Variants in DACH2 observed in about 807,000 individuals in gnomAD.
The protein encoded by DACH2 is dachshund family transcription factor 2.
In DACH2, 17 loss-of-function variants were observed where a neutral mutation model predicts 35.8. The ratio of observed to expected loss-of-function variants is 0.48; its 90% CI spans 0.33 to 0.71. DACH2 has a LOEUF of 0.71. Among genes scored for constraint, DACH2 ranks in the 30% least tolerant of loss-of-function variants. The probability of loss-of-function intolerance (pLI) is 0.02; values close to 1 mark genes in which losing one functional copy is unlikely to be tolerated. For synonymous variants in DACH2, 195 were observed against 177.3 expected, an observed-to-expected ratio of 1.10 and a Z score of -0.79; for missense variants, 469 against 472.7, an observed-to-expected ratio of 0.99 and a Z score of 0.07.
chrX:86,421,554 T>A (rs1196106341), intron 2 of DACH2, among the ~76,000 whole-genome samples: 1 of 111,505 alleles, frequency 9.0e-6, no homozygotes, highest in Non-Finnish European at 1.9e-5. Context: ...TTTCTTTGCC[T>A]TTTTCATCTC....
At chrX:86,432,527 T>C (rs1479100119) in intron 2 of DACH2, among the ~76,000 whole-genome samples, 1 of 111,870 alleles carries the variant, frequency 8.9e-6, no homozygotes, top group East Asian at 2.8e-4. Flanking sequence ...AAGAAATATC[T>C]TGAAGGTTGG....
intron 3 of DACH2, among the ~76,000 whole-genome samples, chrX:86,598,205 T>G (rs2039737866): frequency 8.9e-6 from 1 of 111,972 alleles, no homozygotes; most frequent in Non-Finnish European, 1.9e-5. Context: ...TGTATGTTTG[T>G]AATTATTACA....
At chrX:86,339,916 T>C (rs1361398259) in intron 1 of DACH2, among the ~76,000 whole-genome samples, 1 of 112,047 alleles carries the variant, frequency 8.9e-6, no homozygotes, top group Non-Finnish European at 1.9e-5. Context: ...TAAAACTTTG[T>C]CACAGAGATT....
intron 1 of DACH2, among the ~76,000 whole-genome samples, chrX:86,285,348 T>C (rs1397690177): frequency 2.7e-5 from 3 of 112,059 alleles, no homozygotes; most frequent in Non-Finnish European, 5.6e-5. Flanking sequence ...GCTATTACTG[T>C]ATTCCATCAA....
intron 1 of DACH2, among the ~76,000 whole-genome samples, chrX:86,179,764 G>A (rs1472328516): frequency 2.7e-5 from 3 of 110,754 alleles, no homozygotes; most frequent in African/African-American, 9.8e-5. Flanking sequence ...GATAATATAC[G>A]GTAAAGCAAT....
intron 1 of DACH2, among the ~76,000 whole-genome samples, chrX:86,197,562 G>A (rs985752313): frequency 2.7e-5 from 3 of 110,450 alleles, no homozygotes; most frequent in East Asian, 5.7e-4. Context: ...AAGGGATGGA[G>A]AAAAATCTAC....
chrX:86,267,936 C>A (rs1338109199), intron 1 of DACH2, among the ~76,000 whole-genome samples: 2 of 111,906 alleles, frequency 1.8e-5, no homozygotes, highest in Non-Finnish European at 3.8e-5. Context: ...CATCAGTCTG[C>A]CTAGCTAAAT....
chrX:86,494,238 G>C (rs748446015), intron 2 of DACH2, among the ~76,000 whole-genome samples: 2 of 111,960 alleles, frequency 1.8e-5, no homozygotes, highest in South Asian at 7.4e-4. Context: ...ATGAAGGAAA[G>C]TTGCAGGGAG....
chrX:86,601,993 C>T (rs892723870), intron 3 of DACH2, among the ~76,000 whole-genome samples: 11 of 112,008 alleles, frequency 9.8e-5, no homozygotes, highest in African/African-American at 3.6e-4. Flanking sequence ...AAGAATATTT[C>T]CATCAATCAA....
At chrX:86,220,084 T>C (rs1266207852) in intron 1 of DACH2, among the ~76,000 whole-genome samples, 1 of 100,479 alleles carries the variant, frequency 1.0e-5, no homozygotes, top group African/African-American at 3.8e-5. Flanking sequence ...GAGAATTGCT[T>C]GAGCCTGGGA....
At chrX:86,612,336 C>T (rs1293764305) in intron 3 of DACH2, among the ~76,000 whole-genome samples, 1 of 108,869 alleles carries the variant, frequency 9.2e-6, no homozygotes, top group African/African-American at 3.3e-5. Flanking sequence ...AAGGGTCATG[C>T]AAGCACTTCC....
chrX:86,712,432 T>C (rs2041289489), intron 5 of DACH2, among the ~76,000 whole-genome samples: 1 of 111,055 alleles, frequency 9.0e-6, no homozygotes, highest in Admixed American at 9.6e-5. Flanking sequence ...CTTATTTTGC[T>C]TAGCATAATG....
intron 1 of DACH2, among the ~76,000 whole-genome samples, chrX:86,243,537 A>G (rs2033214609): frequency 9.0e-6 from 1 of 111,378 alleles, no homozygotes; most frequent in Admixed American, 9.5e-5. Flanking sequence ...TGTGTAAGAG[A>G]GATTTTTTTT....
intron 2 of DACH2, among the ~76,000 whole-genome samples, chrX:86,474,094 T>A (rs1333990723): frequency 8.9e-6 from 1 of 112,029 alleles, no homozygotes; most frequent in African/African-American, 3.2e-5. Flanking sequence ...GTAGTTTTGA[T>A]TTGCATTTCT....
chrX:86,449,881 C>CT (rs763658134), intron 2 of DACH2, among the ~76,000 whole-genome samples: 45 of 111,328 alleles, frequency 4.0e-4, no homozygotes, highest in Non-Finnish European at 7.6e-4. Flanking sequence ...ACAGTTTCGT[C>CT]TTTTTACTTA....
intron 1 of DACH2, among the ~76,000 whole-genome samples, chrX:86,163,621 G>A (rs2030842115): frequency 9.1e-6 from 1 of 110,407 alleles, no homozygotes; most frequent in Non-Finnish European, 1.9e-5. Context: ...AATGTCTGTT[G>A]TTTACTTTTT....
intron 4 of DACH2, among the ~76,000 whole-genome samples, chrX:86,674,224 T>G (rs1427672663): frequency 8.9e-6 from 1 of 112,414 alleles, no homozygotes; most frequent in Non-Finnish European, 1.9e-5. Context: ...CAGAGGACAT[T>G]GTTCATTACT....
At chrX:86,333,063 G>A (rs1026790116) in intron 1 of DACH2, among the ~76,000 whole-genome samples, 5 of 111,354 alleles carry the variant, frequency 4.5e-5, no homozygotes, top group African/African-American at 1.6e-4. Flanking sequence ...ACAGTATAGA[G>A]ACAGTACCTT....
At position 86,582,300 on chromosome X, in the gene DACH2, A is replaced by AT. The variant is rs763646674; in HGVS notation, c.640+67909_640+67910insT. Among the ~76,000 whole-genome samples, 164 of 111,552 alleles carry AT rather than the reference A, an allele frequency of 1.5e-3. 1 individual carries two copies. Among genetic ancestry groups the AT allele is most frequent in the Non-Finnish European group, 2.8e-3 (147 of 53,049 alleles). ...ACCTAACATCACACCTAAAGGGACT[A>AT]GAGAAACACAAGCAAACCAGCAATA... On this transcript the variant is annotated intron_variant, in intron 3 of 11. Coordinates refer to ENST00000373125, the MANE Select transcript of DACH2 (RefSeq NM_053281.3).
Sources: allele counts gnomAD v4.1 joint callset (sites outside exome capture counted in the v4.1 genomes callset), GRCh38; gene constraint gnomAD v4.1.1; transcripts MANE v1.5; gene names NCBI Gene and HGNC (gene_info 2026-07-23, HGNC 2026-07-21).